Variants in GALNT13 observed in about 807,000 individuals in gnomAD.
GALNT13 encodes the protein UDP-GalNAc:polypeptide N-acetylgalactosaminyltransferase 13.
A neutral mutation model predicts 64.2 loss-of-function variants in GALNT13; 28 were observed. The ratio of observed to expected loss-of-function variants is 0.44; its 90% CI spans 0.32 to 0.60. The LOEUF (loss-of-function observed/expected upper bound fraction) is 0.60. Ranked by LOEUF, GALNT13 falls within the 20% of genes least tolerant of loss-of-function variation. The pLI, the probability that GALNT13 is intolerant of heterozygous loss-of-function variation, is 0.05. For missense variants in GALNT13, 577 were observed against 669.8 expected, an observed-to-expected ratio of 0.86 and a Z score of 1.53; for synonymous variants, 214 against 224.6, an observed-to-expected ratio of 0.95 and a Z score of 0.42.
the GALNT13 span, among the ~76,000 whole-genome samples, chr2:153,767,552 T>C: frequency 6.6e-6 from 1 of 152,166 alleles, no homozygotes; most frequent in African/African-American, 2.4e-5. Flanking sequence ...GTTGAACTTA[T>C]TTACATACCC....
intron 2 of GALNT13, among the ~76,000 whole-genome samples, chr2:153,931,313 C>G (rs193148883): frequency 6.6e-6 from 1 of 151,532 alleles, no homozygotes; most frequent in African/African-American, 2.4e-5. Context: ...TATTTACTCT[C>G]TTTCTATTTG....
chr2:154,143,193 G>A (rs568745657), intron 4 of GALNT13, among the ~76,000 whole-genome samples: 12 of 152,216 alleles, frequency 7.9e-5, no homozygotes, highest in African/African-American at 2.9e-4. Context: ...TCCTTCGCAT[G>A]CGCAGTTCAC....
the GALNT13 span, among the ~76,000 whole-genome samples, chr2:153,499,868 A>G: frequency 2.6e-5 from 4 of 152,134 alleles, no homozygotes; most frequent in African/African-American, 9.7e-5. Flanking sequence ...CTGAGAGTGC[A>G]GGGATGCCTG....
chr2:154,301,331 A>G (rs941028416), intron 8 of GALNT13, 78 bp from the exon 9 acceptor site: 41 of 1,193,340 alleles, frequency 3.4e-5, no homozygotes, highest in Admixed American at 2.1e-4. Flanking sequence ...GTAAAATACG[A>G]AGATTTGGCC....
chr2:153,873,691 C>T (rs1686151572), intron 1 of GALNT13, among the ~76,000 whole-genome samples: 1 of 152,194 alleles, frequency 6.6e-6, no homozygotes, highest in Non-Finnish European at 1.5e-5. Flanking sequence ...AACAACATAA[C>T]AACATAGAGG....
chr2:153,876,820 G>A (rs2105225846), intron 1 of GALNT13, among the ~76,000 whole-genome samples: 1 of 152,124 alleles, frequency 6.6e-6, no homozygotes, highest in African/African-American at 2.4e-5. Context: ...ATTTTTAAAA[G>A]TTATCACTGC....
At chr2:153,330,487 A>G in the GALNT13 span, among the ~76,000 whole-genome samples, 2 of 151,970 alleles carry the variant, frequency 1.3e-5, no homozygotes, top group Non-Finnish European at 2.9e-5. Context: ...ATCACCTCCT[A>G]GGTTAGATGT....
chr2:153,392,240 C>T, the GALNT13 span, among the ~76,000 whole-genome samples: 2 of 151,138 alleles, frequency 1.3e-5, no homozygotes, highest in African/African-American at 4.9e-5. Flanking sequence ...GTGTTATATG[C>T]ATTTCTTCCT....
At chr2:154,393,541 A>G (rs1320230677) in intron 9 of GALNT13, among the ~76,000 whole-genome samples, 1 of 152,214 alleles carries the variant, frequency 6.6e-6, no homozygotes, top group Non-Finnish European at 1.5e-5. Flanking sequence ...TTCAGAGAGA[A>G]AAAGCCATTC....
At chr2:154,171,868 CTTATTA>C (rs1431936612) in intron 4 of GALNT13, among the ~76,000 whole-genome samples, 2 of 151,818 alleles carry the variant, frequency 1.3e-5, no homozygotes, top group Non-Finnish European at 2.9e-5. Flanking sequence ...CTGTTATGAA[CTTATTA>C]TTATTAATTA....
At chr2:153,316,159 A>G in the GALNT13 span, among the ~76,000 whole-genome samples, 2 of 152,092 alleles carry the variant, frequency 1.3e-5, no homozygotes, top group African/African-American at 2.4e-5. Context: ...AAAGACTGAC[A>G]ATCTCAAGCA....
chr2:153,985,506 A>G (rs1694740797), intron 3 of GALNT13, among the ~76,000 whole-genome samples: 1 of 151,982 alleles, frequency 6.6e-6, no homozygotes, highest in Non-Finnish European at 1.5e-5. Context: ...GAGTGACTGG[A>G]GAGAATGGAT....
chr2:153,909,932 T>C (rs1558847705), intron 2 of GALNT13, among the ~76,000 whole-genome samples: 1 of 152,178 alleles, frequency 6.6e-6, no homozygotes, highest in East Asian at 1.9e-4. Flanking sequence ...ATCAGGATGA[T>C]GCTGGCCTCA....
the GALNT13 span, among the ~76,000 whole-genome samples, chr2:153,319,864 G>A: frequency 6.6e-6 from 1 of 152,102 alleles, no homozygotes; most frequent in Non-Finnish European, 1.5e-5. Flanking sequence ...GGAATCAGGG[G>A]AGAGGGAAGG....
At chr2:153,431,992 G>A in the GALNT13 span, among the ~76,000 whole-genome samples, 1 of 152,100 alleles carries the variant, frequency 6.6e-6, no homozygotes, top group Admixed American at 6.6e-5. Flanking sequence ...AAACTTCCAG[G>A]AACACTCAGA....
the GALNT13 span, among the ~76,000 whole-genome samples, chr2:153,101,345 A>G: frequency 6.7e-5 from 10 of 150,180 alleles, no homozygotes; most frequent in Admixed American, 6.7e-4. Context: ...CTGTGTTTTG[A>G]ACCCATTGGG....
the GALNT13 span, among the ~76,000 whole-genome samples, chr2:153,625,722 T>A: frequency 2.0e-5 from 3 of 152,034 alleles, no homozygotes; most frequent in Admixed American, 2.0e-4. Flanking sequence ...TCTTGATTCA[T>A]CTCAGTCTTC....
chr2:153,904,814 A>G (rs1468787762), intron 2 of GALNT13, among the ~76,000 whole-genome samples: 1 of 151,774 alleles, frequency 6.6e-6, no homozygotes, highest in African/African-American at 2.4e-5. Context: ...CATTATGTTT[A>G]TATCTTTCCA....
chr2:154,238,926 C>G (rs1689335723), intron 4 of GALNT13, among the ~76,000 whole-genome samples: 1 of 151,960 alleles, frequency 6.6e-6, no homozygotes, highest in South Asian at 2.1e-4. Context: ...CCATGCTGTG[C>G]ATTAGATCTC....
Sources: allele counts gnomAD v4.1 joint callset (sites outside exome capture counted in the v4.1 genomes callset), GRCh38; gene constraint gnomAD v4.1.1; transcripts MANE v1.5; gene names NCBI Gene and HGNC (gene_info 2026-07-23, HGNC 2026-07-21).